The following CFDP1 variants were observed in gnomAD, a reference collection of about 807,000 sequenced individuals.
CFDP1 encodes heterochromatin-stabilizing protein CFDP1.
CFDP1 carries 31 observed loss-of-function variants against 40.1 expected under a neutral mutation model. The ratio of observed to expected loss-of-function variants is 0.77; its 90% CI spans 0.58 to 1.04. The LOEUF (loss-of-function observed/expected upper bound fraction) is 1.04. Among genes scored for constraint, CFDP1 ranks in the 50% least tolerant of loss-of-function variants. The pLI is 0.00. For missense variants in CFDP1, 423 were observed against 343.4 expected (o/e 1.23, Z -1.83); for synonymous variants, 167 against 120.0 (o/e 1.39, Z -2.56).
chr16:75,330,407 T>G (rs9939263), intron 5 of CFDP1, among the ~76,000 whole-genome samples: 1 of 152,144 alleles, frequency 6.6e-6, no homozygotes, highest in Admixed American at 6.6e-5. Flanking sequence ...ACCAACACGG[T>G]GAAACCCCAT....
At chr16:75,375,104 C>T (rs1597363566) in intron 5 of CFDP1, among the ~76,000 whole-genome samples, 1 of 148,724 alleles carries the variant, frequency 6.7e-6, no homozygotes, top group Middle Eastern at 3.5e-3. Context: ...ATTCAAGGTA[C>T]AAAAAAAACC....
intron 6 of CFDP1, among the ~76,000 whole-genome samples, chr16:75,303,501 T>G: frequency 1.6e-5 from 1 of 63,968 alleles, no homozygotes; most frequent in Admixed American, 2.1e-4. Context: ...TTTAGAAATA[T>G]GACCCCCCCC....
intron 5 of CFDP1, among the ~76,000 whole-genome samples, chr16:75,355,228 G>A (rs1047943070): frequency 1.3e-5 from 2 of 152,142 alleles, no homozygotes; most frequent in African/African-American, 4.8e-5. Flanking sequence ...GCTGAAGGCT[G>A]GGGTAATTGT....
intron 5 of CFDP1, among the ~76,000 whole-genome samples, chr16:75,315,267 G>A (rs1022940028): frequency 7.1e-6 from 1 of 141,120 alleles, no homozygotes; most frequent in Non-Finnish European, 1.5e-5. Context: ...GGGAGGCGGA[G>A]GTTGCCGTGA....
chr16:75,420,532 T>C (rs1056525878), intron 1 of CFDP1, among the ~76,000 whole-genome samples: 2 of 152,012 alleles, frequency 1.3e-5, no homozygotes, highest in Non-Finnish European at 2.9e-5. Flanking sequence ...GAAAGGGGAG[T>C]GTGCTAGATT....
chr16:75,427,610 T>C (rs1178429174), intron 1 of CFDP1, among the ~76,000 whole-genome samples: 3 of 152,100 alleles, frequency 2.0e-5, no homozygotes, highest in Non-Finnish European at 4.4e-5. Context: ...ACCCCAAGTG[T>C]TGTTGAGGAT....
intron 5 of CFDP1, among the ~76,000 whole-genome samples, chr16:75,393,227 A>G (rs1450281712): frequency 6.6e-6 from 1 of 152,080 alleles, no homozygotes; most frequent in East Asian, 1.9e-4. Flanking sequence ...AGTGCCAGTC[A>G]CCACCAGCAG....
rs574008741 is a variant in CFDP1, at chr16:75,333,911, G to T, written c.651-28729C>A. On this transcript the variant is annotated intron_variant, in intron 5 of 6. Coordinates refer to ENST00000283882, the MANE Select transcript of CFDP1 (RefSeq NM_006324.3). ...CACAAGCGATTCAAAAATAAGGAAG[G>T]AAGTTATGGTGGTTAGAGCAAGGCG... 8.5e-5 allele frequency among the ~76,000 whole-genome samples: 13 copies of T among 152,310 alleles called. No individual in the cohort carries two copies. In the East Asian group the frequency reaches 2.5e-3, roughly 29 times the overall value.
intron 5 of CFDP1, among the ~76,000 whole-genome samples, chr16:75,390,049 T>C (rs1331572798): frequency 6.6e-6 from 1 of 152,208 alleles, no homozygotes; most frequent in Non-Finnish European, 1.5e-5. Context: ...GACATATCCT[T>C]GTAATGTGTT....
chr16:75,334,729 C>G (rs938764944), intron 5 of CFDP1, among the ~76,000 whole-genome samples: 1 of 152,028 alleles, frequency 6.6e-6, no homozygotes, highest in African/African-American at 2.4e-5. Context: ...CTGACGCAGG[C>G]GGATAACTGG....
chr16:75,333,119 GTTCT>G (rs1270435236), intron 5 of CFDP1, among the ~76,000 whole-genome samples: 6 of 97,942 alleles, frequency 6.1e-5, no homozygotes, highest in South Asian at 3.5e-4. Context: ...GCCTACTCAT[GTTCT>G]TTTTTTTTTT....
chr16:75,294,802 G>A (rs2078170581), intron 6 of CFDP1, among the ~76,000 whole-genome samples: 1 of 152,116 alleles, frequency 6.6e-6, no homozygotes, highest in Admixed American at 6.5e-5. Context: ...CTTGAAAGGT[G>A]GACACTCTGC....
At chr16:75,359,048 T>C (rs1023662385) in intron 5 of CFDP1, among the ~76,000 whole-genome samples, 16 of 152,210 alleles carry the variant, frequency 1.1e-4, no homozygotes, top group Non-Finnish European at 2.4e-4. Context: ...TCCTTCCTTT[T>C]CCAACTACAT....
chr16:75,330,802 C>T (rs1444452852), intron 5 of CFDP1, among the ~76,000 whole-genome samples: 1 of 152,064 alleles, frequency 6.6e-6, no homozygotes, highest in African/African-American at 2.4e-5. Flanking sequence ...GTTTACAAGT[C>T]TTGTAAGATG....
At chr16:75,425,122 G>C (rs1455532397) in intron 1 of CFDP1, among the ~76,000 whole-genome samples, 2 of 151,700 alleles carry the variant, frequency 1.3e-5, no homozygotes, top group African/African-American at 2.4e-5. Context: ...TAAAATATAA[G>C]ATCGTTAAAT....
intron 5 of CFDP1, among the ~76,000 whole-genome samples, chr16:75,336,915 C>T (rs770888141): frequency 4.6e-5 from 7 of 152,150 alleles, no homozygotes; most frequent in Non-Finnish European, 1.0e-4. Context: ...TTCTTGCGAG[C>T]TGTTGGTTCC....
intron 5 of CFDP1, among the ~76,000 whole-genome samples, chr16:75,361,450 A>G: frequency 6.6e-6 from 1 of 152,060 alleles, no homozygotes; most frequent in East Asian, 1.9e-4. Flanking sequence ...ATCCCCACGT[A>G]CACTAAAAAT....
chr16:75,411,216 TA>T (rs938545648), intron 4 of CFDP1, among the ~76,000 whole-genome samples: 6 of 149,290 alleles, frequency 4.0e-5, no homozygotes, highest in Non-Finnish European at 1.5e-5. Flanking sequence ...AGACTCCATC[TA>T]AAAAAAAACA....
Position 75,330,477 on chromosome 16 carries a change from T to A in CFDP1, c.651-25295A>T, listed in dbSNP as rs143961930. Among the ~76,000 whole-genome samples the A allele has an allele frequency of 1.9e-3, 296 of 152,232 alleles. 1 individual carries two copies. The highest frequency in any genetic ancestry group is 6.3e-3 in the African/African-American group (261 of 41,534). ...GGTGGCGCATGCCTGTAATCCCAGT[T>A]ACTAGGGAGGCTGAGGCAGGAGAAT... is the stretch of plus-strand genomic sequence containing the variant. On this transcript the variant is annotated intron_variant, in intron 5 of 6. Coordinates refer to ENST00000283882, the MANE Select transcript of CFDP1 (RefSeq NM_006324.3).
Sources: allele counts gnomAD v4.1 joint callset (sites outside exome capture counted in the v4.1 genomes callset), GRCh38; gene constraint gnomAD v4.1.1; transcripts MANE v1.5; gene names NCBI Gene and HGNC (gene_info 2026-07-23, HGNC 2026-07-21).